Variants in SLC3A2 observed in about 807,000 individuals in gnomAD.
SLC3A2 encodes amino acid transporter heavy chain SLC3A2.
SLC3A2 carries 32 observed loss-of-function variants against 48.5 expected under a neutral mutation model. That is an observed-to-expected ratio of 0.66 (90% CI 0.50 to 0.89). SLC3A2 has a LOEUF of 0.89. Among genes scored for constraint, SLC3A2 ranks in the 40% least tolerant of loss-of-function variants. The pLI, the probability that SLC3A2 is intolerant of heterozygous loss-of-function variation, is 0.00. For synonymous variants in SLC3A2, 277 were observed against 288.8 expected, an observed-to-expected ratio of 0.96 and a Z score of 0.41; for missense variants, 587 against 680.7, an observed-to-expected ratio of 0.86 and a Z score of 1.53.
chr11:62,861,307 C>A (rs540239788), intron 1 of SLC3A2, among the ~76,000 whole-genome samples: 1 of 151,992 alleles, frequency 6.6e-6, no homozygotes, highest in African/African-American at 2.4e-5. Context: ...CAAATAGAGG[C>A]CCTGTCTCAA....
chr11:62,870,740 T>A, intron 1 of SLC3A2: 1 of 164,172 alleles, frequency 6.1e-6, no homozygotes, highest in Non-Finnish European at 1.3e-5. Flanking sequence ...TTTTTTTTTT[T>A]GTAGAGTTGG....
chr11:62,867,322 CTTTT>C (rs56758000), intron 1 of SLC3A2, among the ~76,000 whole-genome samples: 1 of 67,640 alleles, frequency 1.5e-5, no homozygotes. Context: ...CTTTTCTTTT[CTTTT>C]TTTTTTTTTT....
At chr11:62,870,076 C>T (rs959656769) in intron 1 of SLC3A2, among the ~76,000 whole-genome samples, 14 of 151,792 alleles carry the variant, frequency 9.2e-5, no homozygotes, top group South Asian at 2.1e-4. Flanking sequence ...GGATTACAGA[C>T]GTGAGCCACC....
At chr11:62,859,417 A>G (rs1427603730) in intron 1 of SLC3A2, among the ~76,000 whole-genome samples, 1 of 152,166 alleles carries the variant, frequency 6.6e-6, no homozygotes, top group Non-Finnish European at 1.5e-5. Flanking sequence ...GGAGTCTCCC[A>G]TGTCTATTTC....
At chr11:62,870,642 C>T (rs962752564) in intron 1 of SLC3A2, 9 of 151,176 alleles carry the variant, frequency 6.0e-5, no homozygotes, top group East Asian at 1.9e-4. Context: ...TTTTTAGGCT[C>T]GTTTTCTGTT....
chr11:62,864,829 T>C (rs1338969904), intron 1 of SLC3A2, among the ~76,000 whole-genome samples: 2 of 144,236 alleles, frequency 1.4e-5, no homozygotes, highest in South Asian at 2.3e-4. Flanking sequence ...AGTGCAGTGG[T>C]GCAATCTCGG....
intron 1 of SLC3A2, among the ~76,000 whole-genome samples, chr11:62,863,736 C>G (rs2085424774): frequency 6.6e-6 from 1 of 152,102 alleles, no homozygotes; most frequent in Non-Finnish European, 1.5e-5. Context: ...CTGACAAGAC[C>G]CAATTCATAA....
rs777122497 is a variant in SLC3A2, at chr11:62,881,440, C to T, written c.417C>T (p.Asn139=). The change falls in exon 1 of 9, where the codon AAC becomes AAT. Residue 139 remains asparagine, a synonymous_variant. Coordinates refer to ENST00000338663, the MANE Select transcript of SLC3A2 (RefSeq NM_001013251.3). This position sits in a 1 kb window ranked among gnomAD's most constrained non-coding sequence, Gnocchi z 4.0. Reference sequence around the variant, plus strand: ...CCTTCCAGGGCCACGGCGCGGGCAACCTGGCGGGTGAGTGCAGCGCGCCCC... The same window carrying T: ...CCTTCCAGGGCCACGGCGCGGGCAATCTGGCGGGTGAGTGCAGCGCGCCCC... ...LQAFQGHGAG[N]LAGLKGRLDY... 3 of 1,583,732 alleles carry T rather than the reference C, an allele frequency of 1.9e-6. No homozygotes were observed. The African/African-American group carries it at 4.0e-5, about 21-fold the overall frequency.
At chr11:62,861,354 T>C (rs2085396449) in intron 1 of SLC3A2, among the ~76,000 whole-genome samples, 1 of 152,038 alleles carries the variant, frequency 6.6e-6, no homozygotes, top group African/African-American at 2.4e-5. Flanking sequence ...CACTGTAACC[T>C]CAAACTCCTG....
intron 8 of SLC3A2, 47 bp from the exon 9 acceptor site, chr11:62,888,284 C>T (rs2085741090): frequency 8.7e-6 from 14 of 1,608,950 alleles, no homozygotes; most frequent in Non-Finnish European, 1.1e-5. Flanking sequence ...AAGTCTGTAC[C>T]CAGGGGAGCC....
chr11:62,874,216 G>A (rs1401551685), intron 1 of SLC3A2, among the ~76,000 whole-genome samples: 1 of 151,896 alleles, frequency 6.6e-6, no homozygotes, highest in East Asian at 1.9e-4. Context: ...GAGGGCCTCA[G>A]TGATCATTTT....
intron 1 of SLC3A2, among the ~76,000 whole-genome samples, chr11:62,856,681 GGCGGTGCTGCCT>G: frequency 6.6e-6 from 1 of 152,282 alleles, no homozygotes; most frequent in East Asian, 1.9e-4. Flanking sequence ...AAAGAGCTCC[GGCGGTGCTGCCT>G]GCTGCAACTC....
At chr11:62,884,740 C>T in intron 5 of SLC3A2, 50 bp downstream of exon 5, 1 of 1,483,452 alleles carries the variant, frequency 6.7e-7, no homozygotes, top group South Asian at 1.3e-5. Flanking sequence ...GGGAACCCCT[C>T]AGTGGAGTGC....
intron 3 of SLC3A2, chr11:62,883,584 AC>A (rs1179155983): frequency 4.9e-6 from 1 of 206,042 alleles, no homozygotes; most frequent in Non-Finnish European, 1.0e-5. Flanking sequence ...AATGGGTAGA[AC>A]AAAAATGGAA....
chr11:62,857,994 G>A (rs1007890713), intron 1 of SLC3A2, among the ~76,000 whole-genome samples: 10 of 152,110 alleles, frequency 6.6e-5, no homozygotes, highest in African/African-American at 2.2e-4. Flanking sequence ...CCTGGGGAAA[G>A]CCAGATAAGC....
chr11:62,886,613 A>G (rs1277110326), intron 7 of SLC3A2: 1 of 151,282 alleles, frequency 6.6e-6, no homozygotes, highest in Non-Finnish European at 1.5e-5. Context: ...TTTTGGAGAC[A>G]GGTTCTTGCT....
chr11:62,880,172 G>A (rs574836720), upstream of SLC3A2, among the ~76,000 whole-genome samples: 2 of 152,174 alleles, frequency 1.3e-5, no homozygotes, highest in Non-Finnish European at 2.9e-5. Flanking sequence ...GGATAAGAAG[G>A]GGGGTGTCTA....
Position 62,880,917 on chromosome 11 carries a change from G to A in SLC3A2, c.-107G>A. The A allele has an allele frequency of 1.4e-6, 2 of 1,459,326 alleles. No homozygotes were observed. Among genetic ancestry groups the A allele is most frequent in the Non-Finnish European group, 1.8e-6 (2 of 1,105,636 alleles). 90.4% of individuals were successfully genotyped at this position (1,459,326 alleles called of 1,614,324 possible). ...GAGCAGATGCAGTAGCCGAAACTGC[G>A]CGGAGGCACAGAGGCCGGGGAGAGC... On this transcript the variant is annotated 5_prime_UTR_variant, in exon 1 of 9. Coordinates refer to ENST00000338663, the MANE Select transcript of SLC3A2 (RefSeq NM_001013251.3).
rs553801523 is a variant in SLC3A2, at chr11:62,862,046, C to T, written c.112+5665C>T. Among the ~76,000 whole-genome samples, 6 of 151,284 alleles carry T rather than the reference C, an allele frequency of 4.0e-5. No homozygotes were observed. The South Asian group carries it at 8.4e-4, about 21-fold the overall frequency. On this transcript the variant is annotated intron_variant, in intron 1 of 9. Coordinates refer to the SLC3A2 transcript ENST00000377889. Reference sequence around the variant, plus strand: ...TTAAGAAGTGCTGCTAGGCCAGGCGCGGTGGCTTACCTGTAATCCCAGCAC... The same window carrying T: ...TTAAGAAGTGCTGCTAGGCCAGGCGTGGTGGCTTACCTGTAATCCCAGCAC...
Sources: gnomAD v4.1 joint callset for allele counts (sites outside exome capture counted in the v4.1 genomes callset) on GRCh38, gnomAD v4.1.1 for gene constraint, Gnocchi (gnomAD v3.1) non-coding constraint, MANE v1.5 for transcripts, NCBI Gene and HGNC (gene_info 2026-07-23, HGNC 2026-07-21) for gene names.